The following COL15A1 variants were observed in gnomAD, a reference collection of about 807,000 sequenced individuals.
COL15A1 encodes the protein collagen type XV alpha 1 chain, also known as collagen alpha-1(XV) chain.
Under a neutral mutation model 165.9 loss-of-function variants are expected in COL15A1, and 111 were observed. That is an observed-to-expected ratio of 0.67 (90% confidence interval 0.57 to 0.78). The LOEUF (loss-of-function observed/expected upper bound fraction) is 0.78. COL15A1 is among the 30% of genes least tolerant of loss of function. The pLI is 0.00. For missense variants in COL15A1, 1,745 were observed against 1,789.7 expected (o/e 0.98, Z 0.45); for synonymous variants, 659 against 674.8 (o/e 0.98, Z 0.36).
Position 99,033,391 on chromosome 9 carries a change from G to T in COL15A1, c.2044-1158G>T, listed in dbSNP as rs150978278. 3.8e-3 allele frequency among the ~76,000 whole-genome samples: 572 copies of T among 152,044 alleles called. 1 individual carries two copies. The highest frequency in any genetic ancestry group is 6.6e-3 in the South Asian group (32 of 4,818). ...TATTTTCTCCTTGGCAGGAGTGAGG[G>T]TGGGAGGGGAGGGGAGATGGGCAGG... On this transcript the variant is annotated intron_variant, in intron 16 of 41. Transcript: ENST00000375001.
chr9:99,068,000 T>C (rs1430143801), intron 40 of COL15A1, among the ~76,000 whole-genome samples: 1 of 152,240 alleles, frequency 6.6e-6, no homozygotes, highest in Non-Finnish European at 1.5e-5. Flanking sequence ...AGGAGGCTTG[T>C]ATACACTTCT....
intron 38 of COL15A1, 115 bp downstream of exon 38, chr9:99,062,419 T>G: frequency 1.3e-6 from 1 of 789,110 alleles, no homozygotes; most frequent in South Asian, 1.5e-5. Context: ...GTGCACGGTT[T>G]AGTATCTGGT....
rs1292900448 is a variant in COL15A1, at chr9:98,989,281, A to G, written c.804+23A>G. The G allele has an allele frequency of 3.8e-6, 6 of 1,587,284 alleles. No homozygotes were observed. In the South Asian group the frequency reaches 4.4e-5, roughly 12 times the overall value. Reference sequence around the variant, plus strand: ...TCGGTGAGTACTGGGATGCTGTGCCATGTGATCTTGCTCAGCTTTTAGCAG... The same window carrying G: ...TCGGTGAGTACTGGGATGCTGTGCCGTGTGATCTTGCTCAGCTTTTAGCAG... On this transcript the variant is annotated intron_variant, in intron 5 of 41. Coordinates refer to ENST00000375001, the MANE Select transcript of COL15A1 (RefSeq NM_001855.5).
intron 2 of COL15A1, among the ~76,000 whole-genome samples, chr9:98,957,267 C>G (rs2118782911): frequency 6.6e-6 from 1 of 152,324 alleles, no homozygotes; most frequent in East Asian, 1.9e-4. Flanking sequence ...GAAGGGGCCA[C>G]AAGCCAAGGA....
intron 7 of COL15A1, 109 bp downstream of exon 7, chr9:99,001,060 T>C (rs1588509445): frequency 2.9e-6 from 2 of 687,862 alleles, no homozygotes; most frequent in South Asian, 1.6e-5. Flanking sequence ...AGGGTTTTGG[T>C]TGAATAGCAT....
intron 2 of COL15A1, among the ~76,000 whole-genome samples, chr9:98,953,440 C>T (rs1346719216): frequency 1.3e-5 from 2 of 151,900 alleles, no homozygotes; most frequent in Admixed American, 6.6e-5. Context: ...CAACCCAACC[C>T]TATCCAACCC....
chr9:99,026,071 G>A (rs981283840), intron 16 of COL15A1, 105 bp downstream of exon 16: 24 of 1,096,408 alleles, frequency 2.2e-5, no homozygotes, highest in Non-Finnish European at 2.8e-5. Context: ...TGACCCCCTG[G>A]CCTCCTGAAA....
At chr9:98,987,464 A>C (rs1838335458) in intron 4 of COL15A1, 96 bp downstream of exon 4, 7 of 1,209,910 alleles carry the variant, frequency 5.8e-6, no homozygotes, top group Non-Finnish European at 8.1e-6. Context: ...GAGTTTCTGA[A>C]ACCTCTCATT....
chr9:98,964,229 A>G (rs1837917285), intron 2 of COL15A1, among the ~76,000 whole-genome samples: 1 of 111,580 alleles, frequency 9.0e-6, no homozygotes, highest in African/African-American at 3.5e-5. Flanking sequence ...CTTGGTCTCT[A>G]GTTAGGAGGT....
rs771272092 is a variant in COL15A1 at position 99,015,476 on chromosome 9, T to A, written c.1413T>A (p.Ser471Arg). The A allele has an allele frequency of 6.2e-7, 1 of 1,605,226 alleles. No homozygotes were observed. Among genetic ancestry groups the A allele is most frequent in the South Asian group, 1.1e-5 (1 of 90,910 alleles). ...TAAAATEVSLSTFEDEEASGV... is the reference protein window; with the variant it reads ...TAAAATEVSLRTFEDEEASGV... ...CAGCTGCAACCGAAGTGTCCCTCAG[T>A]ACTTTTGAGGATGAGGAAGCCAGTG... Residue 471 changes from serine to arginine, a missense_variant, in exon 10 of 42, where the codon AGT becomes AGA. Ser to Arg is a moderately radical substitution (Grantham distance 110). Transcript: ENST00000375001.
rs760072614 is a variant in COL15A1 at position 99,024,967 on chromosome 9, G to A, written c.1948G>A (p.Glu650Lys). 6.2e-7 allele frequency: 1 copy of A among 1,614,010 alleles called. No homozygotes were observed. The highest frequency in any genetic ancestry group is 1.1e-5 in the South Asian group (1 of 91,060). ...VFMGPPGSPG[E>K]DGPAGEPGPP... ...CATGGGACCCCCTGGATCTCCTGGA[G>A]AGGATGGACCTGCTGGTGAACCTGG... Residue 650 changes from glutamate to lysine, a missense_variant, in exon 15 of 42, where the codon GAG becomes AAG. Transcript: ENST00000375001.
At chr9:99,039,315 C>A (rs189742540) in intron 22 of COL15A1, among the ~76,000 whole-genome samples, 1 of 152,168 alleles carries the variant, frequency 6.6e-6, no homozygotes, top group Non-Finnish European at 1.5e-5. Flanking sequence ...TTGAGACCAG[C>A]CTGGCCAACA....
Position 99,015,424 on chromosome 9 carries a change from G to A in COL15A1, c.1361G>A (p.Ser454Asn). Residue 454 changes from serine to asparagine, a missense_variant, in exon 10 of 42, where the codon AGC (serine) becomes AAC (asparagine). Physicochemically the swap from Ser to Asn is conservative, Grantham distance 46. Coordinates refer to ENST00000375001, the MANE Select transcript of COL15A1 (RefSeq NM_001855.5). ...ATGCCAATTTCATTTCAGGGTCCAA[G>A]CAGTGAAGACAGTTTAACAACAGCT... is the stretch of plus-strand genomic sequence containing the variant. ...SLGEEATVGP[S>N]SEDSLTTAAA... is the part of the protein sequence containing the mutation. The A allele has an allele frequency of 6.2e-7, 1 of 1,608,048 alleles. No homozygotes were observed. Among genetic ancestry groups the A allele is most frequent in the Non-Finnish European group, 8.5e-7 (1 of 1,175,628 alleles).
intron 2 of COL15A1, among the ~76,000 whole-genome samples, chr9:98,965,051 T>C (rs540447238): frequency 6.6e-6 from 1 of 152,322 alleles, no homozygotes; most frequent in South Asian, 2.1e-4. Context: ...GCTGAGAGGC[T>C]GCAAGAAAGT....
chr9:98,992,241 C>G (rs1331110750), intron 5 of COL15A1, among the ~76,000 whole-genome samples: 1 of 152,264 alleles, frequency 6.6e-6, no homozygotes, highest in Non-Finnish European at 1.5e-5. Context: ...AGGTCCCAAG[C>G]CCTGCCCTGC....
rs143733713 is a variant in COL15A1, at chr9:99,035,136, A to C, written c.2202A>C (p.Thr734=). ...GPPGPPGPGC[T]MGLGFEDTEG... ...CTGGGCCCCCAGGCCCTGGATGCAC[A>C]ATGGGACTTGGATTCGAGGTACTTT... Residue 734 remains threonine, a synonymous_variant, in exon 18 of 42, where the codon ACA becomes ACC. Transcript: ENST00000375001. 2.4e-4 allele frequency: 377 copies of C among 1,598,586 alleles called. No individual in the cohort carries two copies. Among genetic ancestry groups the C allele is most frequent in the Non-Finnish European group, 3.0e-4 (353 of 1,174,666 alleles).
At chr9:99,007,664 G>A (rs986548134) in intron 9 of COL15A1, among the ~76,000 whole-genome samples, 2 of 152,184 alleles carry the variant, frequency 1.3e-5, no homozygotes. Context: ...TTACTCTGAA[G>A]TCCATACATC....
intron 2 of COL15A1, among the ~76,000 whole-genome samples, chr9:98,949,987 T>C (rs878880385): frequency 6.6e-6 from 1 of 152,366 alleles, no homozygotes; most frequent in South Asian, 2.1e-4. Flanking sequence ...AAAGTTTTCA[T>C]GGTTCACTCA....
intron 4 of COL15A1, among the ~76,000 whole-genome samples, chr9:98,988,977 C>A (rs1399640408): frequency 6.6e-6 from 1 of 151,566 alleles, no homozygotes; most frequent in Non-Finnish European, 1.5e-5. Context: ...ACCAACCATG[C>A]ACACTGCACA....
Sources: allele counts gnomAD v4.1 joint callset (sites outside exome capture counted in the v4.1 genomes callset), GRCh38; gene constraint gnomAD v4.1.1; transcripts MANE v1.5; gene names NCBI Gene and HGNC (gene_info 2026-07-23, HGNC 2026-07-21).